The following TIAM1 variants were observed in gnomAD, a reference collection of about 807,000 sequenced individuals.
TIAM1 encodes TIAM Rac1 associated GEF 1.
TIAM1 carries 65 observed loss-of-function variants against 163.5 expected under a neutral mutation model. The ratio of observed to expected loss-of-function variants is 0.40; its 90% CI spans 0.33 to 0.49. The LOEUF is 0.49. TIAM1 is among the 20% of genes least tolerant of loss of function. The pLI, the probability that TIAM1 is intolerant of heterozygous loss-of-function variation, is 0.77. For synonymous variants in TIAM1, 833 were observed against 810.1 expected, an observed-to-expected ratio of 1.03 and a Z score of -0.48; for missense variants, 1,789 against 2,044.7, an observed-to-expected ratio of 0.87 and a Z score of 2.41.
At chr21:31,215,155 C>A (rs2087110991) in intron 9 of TIAM1, among the ~76,000 whole-genome samples, 1 of 151,918 alleles carries the variant, frequency 6.6e-6, no homozygotes, top group Non-Finnish European at 1.5e-5. Flanking sequence ...GGTAACATAA[C>A]CTGGTGCCAA....
intron 14 of TIAM1, 36 bp from the exon 15 acceptor site, chr21:31,182,681 C>A: frequency 6.3e-7 from 1 of 1,588,374 alleles, no homozygotes; most frequent in East Asian, 2.2e-5. Flanking sequence ...TAATTTCACA[C>A]ACATTATCAG....
chr21:31,341,547 T>G (rs1312331290), intron 1 of TIAM1, among the ~76,000 whole-genome samples: 2 of 152,228 alleles, frequency 1.3e-5, no homozygotes, highest in Non-Finnish European at 2.9e-5. Context: ...TCACTTTAAA[T>G]TACCAGTAAG....
At chr21:31,305,031 TA>T (rs1463799984) in intron 2 of TIAM1, among the ~76,000 whole-genome samples, 1 of 152,172 alleles carries the variant, frequency 6.6e-6, no homozygotes, top group East Asian at 1.9e-4. Context: ...CTGTCTCCAA[TA>T]AATATCTTTC....
chr21:31,348,458 C>A (rs1331492247), upstream of TIAM1, among the ~76,000 whole-genome samples: 1 of 152,228 alleles, frequency 6.6e-6, no homozygotes, highest in Non-Finnish European at 1.5e-5. Flanking sequence ...GGTGTCAACA[C>A]CGTCAAATTA....
At chr21:31,433,561 T>G (rs554778275) in intron 2 of TIAM1, among the ~76,000 whole-genome samples, 1 of 152,312 alleles carries the variant, frequency 6.6e-6, no homozygotes, top group East Asian at 1.9e-4. Flanking sequence ...AAATCATTCC[T>G]TTTAGAACAA....
At chr21:31,318,490 T>A (rs1488654035) in intron 2 of TIAM1, among the ~76,000 whole-genome samples, 1 of 152,214 alleles carries the variant, frequency 6.6e-6, no homozygotes, top group Non-Finnish European at 1.5e-5. Context: ...CACAGCCTAA[T>A]AAAATCCAGG....
chr21:31,312,523 C>T (rs1442644476), intron 2 of TIAM1, among the ~76,000 whole-genome samples: 1 of 152,168 alleles, frequency 6.6e-6, no homozygotes, highest in East Asian at 1.9e-4. Context: ...AAAACACTTT[C>T]CCTAACCAAA....
intron 2 of TIAM1, among the ~76,000 whole-genome samples, chr21:31,299,441 C>T (rs1348862666): frequency 2.0e-5 from 3 of 152,190 alleles, no homozygotes; most frequent in Non-Finnish European, 4.4e-5. Flanking sequence ...GGGACTTGCA[C>T]TGTTTGTTAC....
rs114108801 is a variant in TIAM1, at chr21:31,486,851, G to A, written c.-421-22816C>T. 1.7e-3 allele frequency among the ~76,000 whole-genome samples: 255 copies of A among 152,340 alleles called. 1 individual carries two copies. Among genetic ancestry groups the A allele is most frequent in the African/African-American group, 5.3e-3 (219 of 41,572 alleles). On this transcript the variant is annotated intron_variant, in intron 1 of 28. Coordinates refer to the TIAM1 transcript ENST00000286827. ...CCACTCAGGCCCCCGCATGTCACAC[G>A]AGGGAGCACTGAGACCTTTCTGCTG...
At chr21:31,165,619 CCACTCAGTTT>C (rs1220212037) in intron 15 of TIAM1, among the ~76,000 whole-genome samples, 1 of 151,822 alleles carries the variant, frequency 6.6e-6, no homozygotes, top group Admixed American at 6.6e-5. Flanking sequence ...GTTGTTTAAG[CCACTCAGTTT>C]ATGGTATTTT....
At chr21:31,423,917 G>T (rs2043689071) in intron 2 of TIAM1, among the ~76,000 whole-genome samples, 1 of 151,240 alleles carries the variant, frequency 6.6e-6, no homozygotes, top group Non-Finnish European at 1.5e-5. Flanking sequence ...GGGGCATGAT[G>T]AGAGTGTTCT....
At chr21:31,250,799 T>G (rs139027757) in intron 5 of TIAM1, among the ~76,000 whole-genome samples, 1 of 152,226 alleles carries the variant, frequency 6.6e-6, no homozygotes, top group Non-Finnish European at 1.5e-5. Context: ...GCTACCAGGA[T>G]GTATGCAGTA....
chr21:31,483,519 A>C (rs2046180385), intron 1 of TIAM1, among the ~76,000 whole-genome samples: 1 of 152,094 alleles, frequency 6.6e-6, no homozygotes, highest in African/African-American at 2.4e-5. Context: ...TAAGAGTAGA[A>C]GCAGCTGCTT....
At chr21:31,317,445 C>T (rs540882735) in intron 2 of TIAM1, among the ~76,000 whole-genome samples, 49 of 151,692 alleles carry the variant, frequency 3.2e-4, no homozygotes, top group African/African-American at 1.2e-3. Flanking sequence ...AAGAGTGAAA[C>T]TCCATCTCAA....
At chr21:31,500,675 G>A (rs1276592588) in intron 1 of TIAM1, among the ~76,000 whole-genome samples, 3 of 152,124 alleles carry the variant, frequency 2.0e-5, no homozygotes, top group Non-Finnish European at 4.4e-5. Flanking sequence ...AGACACACAG[G>A]GATGATGGAG....
At chr21:31,298,023 G>T (rs2074356300) in intron 2 of TIAM1, among the ~76,000 whole-genome samples, 1 of 152,182 alleles carries the variant, frequency 6.6e-6, no homozygotes. Context: ...ATGTACATTA[G>T]ATAATCTAAT....
chr21:31,324,815 C>CT (rs1320359321), intron 2 of TIAM1, among the ~76,000 whole-genome samples: 1 of 152,138 alleles, frequency 6.6e-6, no homozygotes, highest in Non-Finnish European at 1.5e-5. Flanking sequence ...AAAATCATTT[C>CT]TTTAAGTATT....
intron 14 of TIAM1, among the ~76,000 whole-genome samples, chr21:31,185,416 AATTAT>A (rs1440681517): frequency 7.4e-6 from 1 of 135,070 alleles, no homozygotes; most frequent in Non-Finnish European, 1.5e-5. Flanking sequence ...AATTATATAT[AATTAT>A]GTTATATAAT....
intron 15 of TIAM1, among the ~76,000 whole-genome samples, chr21:31,167,951 C>T (rs533650859): frequency 6.6e-6 from 1 of 151,954 alleles, no homozygotes; most frequent in Non-Finnish European, 1.5e-5. Flanking sequence ...GGGGCTACAC[C>T]CCTCAGTCTA....
Sources: allele counts gnomAD v4.1 joint callset (sites outside exome capture counted in the v4.1 genomes callset), GRCh38; gene constraint gnomAD v4.1.1; transcripts MANE v1.5; gene names NCBI Gene and HGNC (gene_info 2026-07-23, HGNC 2026-07-21).